The following UBE2G1 variants were observed in gnomAD, a reference collection of about 807,000 sequenced individuals.
UBE2G1 encodes the protein ubiquitin-conjugating enzyme E2 G1.
Under a neutral mutation model 22.7 loss-of-function variants are expected in UBE2G1, and 5 were observed. The ratio of observed to expected loss-of-function variants is 0.22; its 90% confidence interval spans 0.12 to 0.46. The LOEUF is 0.46. Among genes scored for constraint, UBE2G1 ranks in the 20% least tolerant of loss-of-function variants. The pLI, the probability that UBE2G1 is intolerant of heterozygous loss-of-function variation, is 0.99. For synonymous variants in UBE2G1, 74 were observed against 67.5 expected, an observed-to-expected ratio of 1.10 and a Z score of -0.47; for missense variants, 88 against 203.9, an observed-to-expected ratio of 0.43 and a Z score of 3.46.
intron 1 of UBE2G1, among the ~76,000 whole-genome samples, chr17:4,313,362 T>G (rs1225432982): frequency 6.6e-6 from 1 of 152,178 alleles, no homozygotes; most frequent in African/African-American, 2.4e-5. Flanking sequence ...AAACAGAGCT[T>G]CTGTAAATCA....
intron 1 of UBE2G1, among the ~76,000 whole-genome samples, chr17:4,309,335 T>C (rs754179675): frequency 1.1e-4 from 16 of 152,234 alleles, no homozygotes; most frequent in Non-Finnish European, 2.1e-4. Flanking sequence ...TTTTTATAAG[T>C]CTAACATTTT....
intron 1 of UBE2G1, among the ~76,000 whole-genome samples, chr17:4,354,911 T>G (rs929237035): frequency 3.9e-5 from 6 of 151,936 alleles, no homozygotes; most frequent in African/African-American, 1.4e-4. Flanking sequence ...CACTCCAGCC[T>G]GGGTGACAGA....
intron 1 of UBE2G1, among the ~76,000 whole-genome samples, chr17:4,360,792 T>A (rs1418828297): frequency 6.6e-6 from 1 of 152,132 alleles, no homozygotes; most frequent in Non-Finnish European, 1.5e-5. Context: ...ATGCCTGTAA[T>A]CCCAGCTACT....
At chr17:4,317,577 C>CA (rs1319485696) in intron 1 of UBE2G1, among the ~76,000 whole-genome samples, 1 of 152,158 alleles carries the variant, frequency 6.6e-6, no homozygotes, top group East Asian at 1.9e-4. Flanking sequence ...GCTTCAAAAA[C>CA]ATAAGGAAAA....
intron 1 of UBE2G1, chr17:4,335,377 C>T (rs1432268915): frequency 1.3e-5 from 2 of 152,018 alleles, no homozygotes; most frequent in East Asian, 1.9e-4. Flanking sequence ...TAGAGTAACC[C>T]TAGATGCCAG....
At chr17:4,327,027 G>A (rs1439118349) in intron 1 of UBE2G1, among the ~76,000 whole-genome samples, 1 of 152,228 alleles carries the variant, frequency 6.6e-6, no homozygotes, top group Non-Finnish European at 1.5e-5. Flanking sequence ...CAGGCACGGT[G>A]GCTCACGCCT....
chr17:4,323,664 C>T (rs1027233324), intron 1 of UBE2G1, among the ~76,000 whole-genome samples: 2 of 152,136 alleles, frequency 1.3e-5, no homozygotes, highest in African/African-American at 2.4e-5. Flanking sequence ...GCAATCCTCC[C>T]GAGCCTCCTG....
chr17:4,359,886 TG>T (rs1381794003), intron 1 of UBE2G1, among the ~76,000 whole-genome samples: 5 of 151,304 alleles, frequency 3.3e-5, no homozygotes, highest in Non-Finnish European at 5.9e-5. Context: ...AAAAAACTGC[TG>T]ATTAACTCAA....
intron 4 of UBE2G1, among the ~76,000 whole-genome samples, chr17:4,284,313 G>C (rs560602355): frequency 3.3e-5 from 5 of 151,266 alleles, no homozygotes; most frequent in African/African-American, 1.2e-4. Flanking sequence ...AATTAGAACC[G>C]CTAGGCTGGG....
chr17:4,324,938 G>A (rs1223419625), intron 1 of UBE2G1, among the ~76,000 whole-genome samples: 11 of 152,016 alleles, frequency 7.2e-5, no homozygotes, highest in Admixed American at 2.6e-4. Context: ...TTAGCCGGGC[G>A]TGGTGGCAGG....
chr17:4,354,356 T>C (rs1287918445), intron 1 of UBE2G1, among the ~76,000 whole-genome samples: 6 of 152,134 alleles, frequency 3.9e-5, no homozygotes, highest in South Asian at 2.1e-4. Flanking sequence ...AAAATGGGCA[T>C]CAAACTTGCT....
At chr17:4,362,641 G>A (rs1327799203) in intron 1 of UBE2G1, among the ~76,000 whole-genome samples, 2 of 152,118 alleles carry the variant, frequency 1.3e-5, no homozygotes, top group African/African-American at 2.4e-5. Context: ...AATCCTTAAG[G>A]ATTGACAGAC....
chr17:4,328,017 G>C (rs919396710), intron 1 of UBE2G1, among the ~76,000 whole-genome samples: 5 of 151,312 alleles, frequency 3.3e-5, no homozygotes, highest in African/African-American at 1.2e-4. Flanking sequence ...GGCCCATTTT[G>C]GCCCATGTGC....
chr17:4,314,008 CAGAA>C (rs927348035), intron 1 of UBE2G1, among the ~76,000 whole-genome samples: 26 of 152,132 alleles, frequency 1.7e-4, no homozygotes, highest in African/African-American at 6.0e-4. Context: ...TAAAAAAGAA[CAGAA>C]AGAGCATATG....
intron 1 of UBE2G1, among the ~76,000 whole-genome samples, chr17:4,356,385 A>T (rs1047451107): frequency 2.0e-5 from 3 of 152,140 alleles, no homozygotes; most frequent in African/African-American, 7.2e-5. Context: ...ATAAATAAAT[A>T]AAAAACGTTG....
intron 1 of UBE2G1, among the ~76,000 whole-genome samples, chr17:4,323,139 C>A (rs1969462560): frequency 6.6e-6 from 1 of 152,204 alleles, no homozygotes; most frequent in African/African-American, 2.4e-5. Flanking sequence ...AAATTTATAA[C>A]TGACAAAAAT....
At chr17:4,314,257 T>C (rs567057702) in intron 1 of UBE2G1, among the ~76,000 whole-genome samples, 13 of 152,118 alleles carry the variant, frequency 8.5e-5, no homozygotes, top group Non-Finnish European at 1.8e-4. Flanking sequence ...ATCTCACACA[T>C]AGCAGACAAA....
intron 2 of UBE2G1, chr17:4,301,340 G>C (rs1012628625): frequency 2.2e-6 from 1 of 463,174 alleles, no homozygotes. Flanking sequence ...AGCCTCCCAC[G>C]GGCGCAATGG....
chr17:4,301,867 T>C (rs1048552492), intron 2 of UBE2G1: 1 of 500,628 alleles, frequency 2.0e-6, no homozygotes, highest in Non-Finnish European at 4.0e-6. Context: ...ACTTCGTGAG[T>C]TGGCTGTATT....
Sources: gnomAD v4.1 joint callset for allele counts (sites outside exome capture counted in the v4.1 genomes callset) on GRCh38, gnomAD v4.1.1 for gene constraint, MANE v1.5 for transcripts, NCBI Gene and HGNC (gene_info 2026-07-23, HGNC 2026-07-21) for gene names.